DPP6: variants seen among roughly 807,000 people sequenced by gnomAD.
DPP6 encodes dipeptidyl peptidase like 6.
Under a neutral mutation model 122.6 loss-of-function variants are expected in DPP6, and 69 were observed. The ratio of observed to expected loss-of-function variants is 0.56; its 90% CI spans 0.46 to 0.69. DPP6 has a LOEUF of 0.69. DPP6 is among the 30% of genes least tolerant of loss of function. DPP6 has a pLI of 0.00. For missense variants in DPP6, 928 were observed against 1,116.9 expected (o/e 0.83, Z 2.41); for synonymous variants, 418 against 433.1 (o/e 0.97, Z 0.43).
At chr7:154,351,248 T>TA (rs1211224921) in intron 1 of DPP6, among the ~76,000 whole-genome samples, 4 of 152,126 alleles carry the variant, frequency 2.6e-5, no homozygotes, top group African/African-American at 2.4e-5. Flanking sequence ...TGGTGAGCAT[T>TA]TGGCTCCACA....
rs560128463 is a variant in DPP6, at chr7:154,679,338, G to A, written c.762+9897G>A. On this transcript the variant is annotated intron_variant, in intron 7 of 25. Transcript: ENST00000377770. ...TGTCAGGTGACAGCAATTCCCCTAC[G>A]CTAATGCCACGCCAGAAATTATCCC... Among the ~76,000 whole-genome samples, 6 of 152,286 alleles carry A rather than the reference G, an allele frequency of 3.9e-5. No individual in the cohort carries two copies. In the South Asian group the frequency reaches 1.2e-3, roughly 32 times the overall value.
At chr7:154,662,525 A>G (rs376654952) in intron 6 of DPP6, among the ~76,000 whole-genome samples, 4 of 32,496 alleles carry the variant, frequency 1.2e-4, no homozygotes, top group Admixed American at 3.5e-4. Context: ...TAGTGTTCAT[A>G]TAGTCATGGT....
intron 6 of DPP6, among the ~76,000 whole-genome samples, chr7:154,655,833 G>A (rs1044136175): frequency 4.6e-5 from 7 of 152,196 alleles, no homozygotes; most frequent in Non-Finnish European, 8.8e-5. Context: ...TGCTCTCTGA[G>A]GGTCTCCACT....
At chr7:153,801,393 A>G in the DPP6 span, among the ~76,000 whole-genome samples, 36 of 152,078 alleles carry the variant, frequency 2.4e-4, no homozygotes, top group South Asian at 2.3e-3. Flanking sequence ...TCATTACCCT[A>G]TGGGTTCTTT....
chr7:153,868,170 T>G, the DPP6 span, among the ~76,000 whole-genome samples: 1 of 152,138 alleles, frequency 6.6e-6, no homozygotes, highest in East Asian at 1.9e-4. Flanking sequence ...CCTCATAAAA[T>G]GAGTTAGGGA....
chr7:154,473,168 A>G (rs1822437710), intron 2 of DPP6, among the ~76,000 whole-genome samples: 1 of 152,170 alleles, frequency 6.6e-6, no homozygotes, highest in African/African-American at 2.4e-5. Context: ...GAAGTTTTAG[A>G]CTTCTTAATT....
chr7:154,063,667 A>C (rs1364993875), intron 1 of DPP6, among the ~76,000 whole-genome samples: 4 of 130,332 alleles, frequency 3.1e-5, no homozygotes, highest in South Asian at 2.7e-4. Flanking sequence ...GGCGCTTAGG[A>C]CCCCCATCCC....
intron 1 of DPP6, among the ~76,000 whole-genome samples, chr7:153,951,323 A>G (rs924024628): frequency 6.6e-6 from 1 of 152,058 alleles, no homozygotes; most frequent in Non-Finnish European, 1.5e-5. Context: ...CAAGGGGGAG[A>G]GTGAGGGAGA....
intron 1 of DPP6, among the ~76,000 whole-genome samples, chr7:154,216,072 T>C (rs1433172007): frequency 6.6e-6 from 1 of 152,170 alleles, no homozygotes; most frequent in African/African-American, 2.4e-5. Context: ...TGAGGTTCTG[T>C]AAGCACGTGC....
intron 7 of DPP6, among the ~76,000 whole-genome samples, chr7:154,717,066 C>T (rs754382555): frequency 4.6e-5 from 7 of 152,052 alleles, no homozygotes; most frequent in East Asian, 1.9e-4. Context: ...CTCCTGACCT[C>T]GTGATCTGCC....
At chr7:154,135,522 C>G (rs1030854064) in intron 1 of DPP6, among the ~76,000 whole-genome samples, 2 of 151,740 alleles carry the variant, frequency 1.3e-5, no homozygotes, top group African/African-American at 4.8e-5. Context: ...CACTTCCTAT[C>G]TGTAAACTTC....
chr7:153,856,541 C>G, the DPP6 span, among the ~76,000 whole-genome samples: 1 of 152,154 alleles, frequency 6.6e-6, no homozygotes, highest in African/African-American at 2.4e-5. Flanking sequence ...TGGCTATGAT[C>G]AAGAGAATAG....
At chr7:154,127,597 TCACACACACACACACACA>T (rs71182879) in intron 1 of DPP6, among the ~76,000 whole-genome samples, 1 of 136,740 alleles carries the variant, frequency 7.3e-6, no homozygotes. Flanking sequence ...GAGCAGCATC[TCACACACACACACACACA>T]CACACACACA....
At chr7:154,744,039 G>A (rs1002162439) in intron 8 of DPP6, among the ~76,000 whole-genome samples, 14 of 152,152 alleles carry the variant, frequency 9.2e-5, no homozygotes, top group Non-Finnish European at 7.3e-5. Flanking sequence ...GTGCAGCTGA[G>A]CGGCCTTGGT....
intron 19 of DPP6, among the ~76,000 whole-genome samples, chr7:154,873,103 G>A (rs11243324): frequency 5.3e-5 from 8 of 152,174 alleles, no homozygotes; most frequent in Admixed American, 2.6e-4. Flanking sequence ...GGCCACTGCC[G>A]TGAATGCCCT....
In DPP6 at chr7:154,787,579, C is replaced by T. The variant is rs1797412461; in HGVS notation, c.1137-6500C>T. ...TTTTAAAACCACCTATCTATTTCTTCTTATATGCGAACTTCAGAATTATTT... is the reference window on the plus strand; with the variant it reads ...TTTTAAAACCACCTATCTATTTCTTTTTATATGCGAACTTCAGAATTATTT... On this transcript the variant is annotated intron_variant, in intron 10 of 25. Coordinates refer to ENST00000377770, the MANE Select transcript of DPP6 (RefSeq NM_130797.4). Among the ~76,000 whole-genome samples, 3 of 152,142 alleles carry T rather than the reference C, an allele frequency of 2.0e-5. No individual in the cohort carries two copies. In the South Asian group the frequency reaches 6.2e-4, roughly 31 times the overall value.
intron 1 of DPP6, among the ~76,000 whole-genome samples, chr7:154,138,422 G>A (rs1795686909): frequency 1.3e-5 from 2 of 152,208 alleles, no homozygotes; most frequent in Admixed American, 1.3e-4. Flanking sequence ...GGAATGCTGG[G>A]ATCAGGCAGG....
chr7:153,929,754 A>G (rs4141106), intron 1 of DPP6, among the ~76,000 whole-genome samples: 1 of 152,016 alleles, frequency 6.6e-6, no homozygotes, highest in Non-Finnish European at 1.5e-5. Context: ...CTTGAAAGAA[A>G]AGCTTTTCTT....
chr7:154,718,634 CTT>C (rs542191130), intron 7 of DPP6, among the ~76,000 whole-genome samples: 4,358 of 111,314 alleles, frequency 0.039, 156 homozygotes, highest in African/African-American at 0.13. Context: ...CTTCCTCCTC[CTT>C]TTTTTTTTTT....
Sources: gnomAD v4.1 joint callset for allele counts (sites outside exome capture counted in the v4.1 genomes callset) on GRCh38, gnomAD v4.1.1 for gene constraint, MANE v1.5 for transcripts, NCBI Gene and HGNC (gene_info 2026-07-23, HGNC 2026-07-21) for gene names.